Variants in FBXO11 observed in about 807,000 individuals in gnomAD.
FBXO11 encodes F-box only protein 11.
In FBXO11, 13 loss-of-function variants were observed where a neutral mutation model predicts 117.0. The ratio of observed to expected loss-of-function variants is 0.11; its 90% CI spans 0.07 to 0.18. The LOEUF (loss-of-function observed/expected upper bound fraction) is 0.18, where lower values mean the gene tolerates loss of function less well. FBXO11 is among the 10% of genes least tolerant of loss of function. FBXO11 has a pLI of 1.00. For missense variants in FBXO11, 767 were observed against 1,164.4 expected (o/e 0.66, Z 4.97); for synonymous variants, 490 against 380.5 (o/e 1.29, Z -3.35).
At chr2:47,814,660 T>C (rs905978085) in intron 16 of FBXO11, among the ~76,000 whole-genome samples, 8 of 152,168 alleles carry the variant, frequency 5.3e-5, no homozygotes, top group Admixed American at 2.0e-4. Flanking sequence ...ATTACAGGCA[T>C]GATCTACTGC....
chr2:47,876,786 T>A (rs1676038324), intron 1 of FBXO11, among the ~76,000 whole-genome samples: 1 of 152,214 alleles, frequency 6.6e-6, no homozygotes, highest in South Asian at 2.1e-4. Flanking sequence ...CAGTTCAATA[T>A]GAAACCTTAA....
At chr2:47,857,046 A>C (rs1222120446) in intron 1 of FBXO11, among the ~76,000 whole-genome samples, 1 of 152,220 alleles carries the variant, frequency 6.6e-6, no homozygotes, top group East Asian at 1.9e-4. Flanking sequence ...GCCAATATAG[A>C]CATTACACTA....
In FBXO11 at chr2:47,905,550, A is replaced by AGGC. The variant is rs1678730007; in HGVS notation, c.168_170dup (p.Pro66dup). The AGGC allele has an allele frequency of 1.6e-6, 2 of 1,239,084 alleles. No individual in the cohort carries two copies. The highest frequency in any genetic ancestry group is 3.6e-5 in the South Asian group (1 of 27,556). The allele number at this position is 1,239,084 out of a possible 1,614,324, so 76.8% of individuals were successfully genotyped here. A position where few individuals can be genotyped will look rare whatever the true frequency, so the allele number is the denominator to read the frequency against. On this transcript the variant is annotated inframe_insertion, in exon 1 of 23. Coordinates refer to ENST00000403359, the MANE Select transcript of FBXO11 (RefSeq NM_001190274.2). ...GCGGAGGCGGCGGTGGCGGCGGCGG[A>AGGC]GGCTGCTGCTGCTGCTGCTGCTGCG...
chr2:47,839,036 G>T, intron 3 of FBXO11, 33 bp from the exon 4 acceptor site: 1 of 1,565,620 alleles, frequency 6.4e-7, no homozygotes, highest in Non-Finnish European at 8.6e-7. Context: ...ACTATCATTC[G>T]AGCAATAACT....
chr2:47,826,225 T>G (rs553543755), intron 11 of FBXO11, among the ~76,000 whole-genome samples: 44 of 152,062 alleles, frequency 2.9e-4, no homozygotes, highest in South Asian at 1.0e-3. Flanking sequence ...GCCCAGCTAA[T>G]TTTTTGTATT....
chr2:47,886,193 A>C (rs926565280), intron 1 of FBXO11, among the ~76,000 whole-genome samples: 1 of 152,158 alleles, frequency 6.6e-6, no homozygotes. Context: ...AAACCCTTTG[A>C]CCCAATAACC....
At chr2:47,892,340 G>A (rs1260316539) in intron 1 of FBXO11, among the ~76,000 whole-genome samples, 4 of 152,184 alleles carry the variant, frequency 2.6e-5, no homozygotes, top group African/African-American at 4.8e-5. Flanking sequence ...TATTTCACCC[G>A]AAAGGGTATA....
chr2:47,869,570 G>C (rs982692123), intron 1 of FBXO11, among the ~76,000 whole-genome samples: 2 of 152,166 alleles, frequency 1.3e-5, no homozygotes, highest in Admixed American at 1.3e-4. Flanking sequence ...AGACACATCA[G>C]GAATGAAGGT....
chr2:47,863,719 T>C (rs1159317854), intron 1 of FBXO11, among the ~76,000 whole-genome samples: 3 of 152,132 alleles, frequency 2.0e-5, no homozygotes, highest in African/African-American at 7.2e-5. Context: ...GGTGGGCAGA[T>C]CACTTGAAGT....
At chr2:47,809,519 G>C (rs369879815) in intron 20 of FBXO11, 81 bp downstream of exon 20, 1 of 997,610 alleles carries the variant, frequency 1.0e-6, no homozygotes, top group South Asian at 1.5e-5. Context: ...AGTGACATAA[G>C]GAATCAAGTT....
At chr2:47,833,776 T>A (rs1672349782) in intron 7 of FBXO11, among the ~76,000 whole-genome samples, 1 of 152,172 alleles carries the variant, frequency 6.6e-6, no homozygotes, top group Non-Finnish European at 1.5e-5. Flanking sequence ...GCAATTCTCC[T>A]GCCTCAGCCT....
intron 1 of FBXO11, among the ~76,000 whole-genome samples, chr2:47,843,946 G>C (rs1251210589): frequency 6.6e-6 from 1 of 152,016 alleles, no homozygotes; most frequent in African/African-American, 2.4e-5. Flanking sequence ...TCACTATGTT[G>C]GCCAGGATGG....
At chr2:47,857,536 C>G (rs905077381) in intron 1 of FBXO11, among the ~76,000 whole-genome samples, 3 of 152,098 alleles carry the variant, frequency 2.0e-5, no homozygotes, top group African/African-American at 4.8e-5. Context: ...TGCAGTACAA[C>G]TGATCTACAT....
At chr2:47,832,230 G>T in intron 11 of FBXO11, 119 bp downstream of exon 11, 1 of 726,518 alleles carries the variant, frequency 1.4e-6, no homozygotes, top group Non-Finnish European at 2.1e-6. Flanking sequence ...TGCTGAAATT[G>T]CTTTTAAACC....
intron 1 of FBXO11, among the ~76,000 whole-genome samples, chr2:47,904,440 T>G (rs564162857): frequency 1.3e-5 from 2 of 152,226 alleles, no homozygotes; most frequent in Admixed American, 6.5e-5. Context: ...AACTGAACAT[T>G]ATTTTTGCTA....
chr2:47,837,988 G>T (rs569020994), intron 4 of FBXO11, among the ~76,000 whole-genome samples: 1 of 151,620 alleles, frequency 6.6e-6, no homozygotes, highest in Non-Finnish European at 1.5e-5. Flanking sequence ...CACTTTGGGC[G>T]GCCGAGGTAG....
intron 11 of FBXO11, among the ~76,000 whole-genome samples, chr2:47,824,126 C>T (rs1283654255): frequency 6.6e-6 from 1 of 152,206 alleles, no homozygotes; most frequent in Non-Finnish European, 1.5e-5. Context: ...ATACCATTAA[C>T]TAGTAAGCAC....
intron 1 of FBXO11, among the ~76,000 whole-genome samples, chr2:47,901,537 G>A (rs1678302465): frequency 6.6e-6 from 1 of 152,090 alleles, no homozygotes; most frequent in East Asian, 1.9e-4. Context: ...GCTGATGTAC[G>A]AAGGGGACTT....
At chr2:47,828,488 C>T (rs953675905) in intron 11 of FBXO11, among the ~76,000 whole-genome samples, 13 of 151,918 alleles carry the variant, frequency 8.6e-5, no homozygotes, top group African/African-American at 3.1e-4. Context: ...GGCATCTGTA[C>T]TCCCACCTAC....
Sources: allele counts gnomAD v4.1 joint callset (sites outside exome capture counted in the v4.1 genomes callset), GRCh38; gene constraint gnomAD v4.1.1; transcripts MANE v1.5; gene names NCBI Gene and HGNC (gene_info 2026-07-23, HGNC 2026-07-21).